TOX2: variants seen among roughly 807,000 people sequenced by gnomAD.
The protein encoded by TOX2 is TOX high mobility group box family member 2, also known as granulosa cell HMG box 1.
In TOX2, 15 loss-of-function variants were observed where a neutral mutation model predicts 47.4. The observed-to-expected ratio is 0.32, with a 90% CI of 0.21 to 0.49. TOX2 has a LOEUF of 0.49. Among genes scored for constraint, TOX2 ranks in the 20% least tolerant of loss-of-function variants. The pLI is 0.99. For missense variants in TOX2, 622 were observed against 673.1 expected (o/e 0.92, Z 0.84); for synonymous variants, 290 against 296.6 (o/e 0.98, Z 0.23).
At chr20:44,020,326 C>T (rs2145647408) in intron 3 of TOX2, among the ~76,000 whole-genome samples, 1 of 152,238 alleles carries the variant, frequency 6.6e-6, no homozygotes, top group East Asian at 1.9e-4. Context: ...GGAGGGAGAG[C>T]ATTAGGACAA....
intron 3 of TOX2, among the ~76,000 whole-genome samples, chr20:44,014,191 G>A (rs545188010): frequency 6.6e-6 from 1 of 151,176 alleles, no homozygotes; most frequent in South Asian, 2.1e-4. Flanking sequence ...TCACATGGTG[G>A]CCTAGGATCA....
intron 1 of TOX2, among the ~76,000 whole-genome samples, chr20:43,965,543 C>A (rs1293631862): frequency 2.0e-5 from 3 of 152,196 alleles, no homozygotes; most frequent in African/African-American, 7.2e-5. Flanking sequence ...CTCCAAGTCC[C>A]TTTGCTTTTC....
chr20:43,929,043 C>G (rs1179595275), intron 1 of TOX2, among the ~76,000 whole-genome samples: 1 of 150,130 alleles, frequency 6.7e-6, no homozygotes, highest in Admixed American at 6.6e-5. Context: ...CCTGTAATCT[C>G]AACTACTTGG....
intron 3 of TOX2, among the ~76,000 whole-genome samples, chr20:44,028,270 C>T (rs868756469): frequency 6.6e-6 from 1 of 151,764 alleles, no homozygotes. Context: ...GGGGCTGCCC[C>T]ATTCCCAGAG....
At chr20:43,930,831 C>T (rs2069242560) in intron 1 of TOX2, among the ~76,000 whole-genome samples, 5 of 152,226 alleles carry the variant, frequency 3.3e-5, no homozygotes, top group Admixed American at 1.3e-4. Flanking sequence ...TATGATCCCA[C>T]GGTGCAGATT....
At chr20:43,955,785 CTTA>C (rs1250153656) in intron 1 of TOX2, among the ~76,000 whole-genome samples, 6 of 152,318 alleles carry the variant, frequency 3.9e-5, no homozygotes, top group African/African-American at 1.2e-4. Context: ...CGCTGTTTTA[CTTA>C]TTATTGTGTT....
Position 43,915,019 on chromosome 20 carries a change from CG to C in TOX2, c.99+32del. On this transcript the variant is annotated intron_variant, in intron 1 of 8. Coordinates refer to ENST00000341197, the MANE Select transcript of TOX2 (RefSeq NM_001098797.2). The surrounding 1 kb of genome is among the most constrained non-coding windows in gnomAD (Gnocchi z 7.1). ...GGCGGGGGCGGGCGGGGGTCCCCGG[CG>C]GGCGGGGCCGGAGTCACCTGGCAGC... 8.2e-7 allele frequency: 1 copy of C among 1,215,804 alleles called. No individual in the cohort carries two copies. Among genetic ancestry groups the C allele is most frequent in the Non-Finnish European group, 1.0e-6 (1 of 972,186 alleles). 75.3% of individuals were successfully genotyped at this position (1,215,804 alleles called of 1,614,324 possible). A position where few individuals can be genotyped will look rare whatever the true frequency, so the allele number is the denominator to read the frequency against.
At chr20:44,041,106 G>T (rs754524444) in intron 3 of TOX2, among the ~76,000 whole-genome samples, 2 of 152,176 alleles carry the variant, frequency 1.3e-5, no homozygotes, top group Non-Finnish European at 2.9e-5. Flanking sequence ...CTGGAGACTC[G>T]CTTCAGGCTG....
At chr20:43,936,790 G>A (rs1012350252) in intron 1 of TOX2, among the ~76,000 whole-genome samples, 8 of 152,192 alleles carry the variant, frequency 5.3e-5, no homozygotes, top group African/African-American at 1.9e-4. Context: ...ATATGGCCAA[G>A]CCCATATTCA....
intron 5 of TOX2, among the ~76,000 whole-genome samples, chr20:44,063,010 A>G (rs2071747299): frequency 6.6e-6 from 1 of 152,222 alleles, no homozygotes; most frequent in Non-Finnish European, 1.5e-5. Flanking sequence ...GGAAGACTTA[A>G]ATCTAAGACC....
Position 44,054,412 on chromosome 20 carries a change from C to A in TOX2, c.765C>A (p.Leu255=). The A allele has an allele frequency of 6.2e-7, 1 of 1,612,998 alleles. No individual in the cohort carries two copies. Among genetic ancestry groups the A allele is most frequent in the Non-Finnish European group, 8.5e-7 (1 of 1,179,556 alleles). Residue 255 remains leucine (L), a synonymous_variant, in exon 5 of 9, where the codon CTC becomes CTA. Transcript: ENST00000341197. ...EPQKPVSAYA[L]FFRDTQAAIK... Reference sequence around the variant, plus strand: ...AGAAGCCTGTGTCGGCCTACGCACTCTTCTTCAGAGACACTCAGGCCGCCA... The same window carrying A: ...AGAAGCCTGTGTCGGCCTACGCACTATTCTTCAGAGACACTCAGGCCGCCA...
intron 3 of TOX2, among the ~76,000 whole-genome samples, chr20:44,047,265 C>G (rs555960855): frequency 3.3e-5 from 5 of 152,262 alleles, no homozygotes; most frequent in Admixed American, 3.3e-4. Context: ...TTCCCACCCT[C>G]CAGTTGTCAG....
chr20:44,049,272 TA>T (rs751890884), intron 3 of TOX2, among the ~76,000 whole-genome samples: 105 of 152,244 alleles, frequency 6.9e-4, no homozygotes, highest in Middle Eastern at 3.4e-3. Flanking sequence ...AATGGAAAAA[TA>T]TACTGCTGTA....
At chr20:44,001,181 C>T (rs926572459) in intron 2 of TOX2, among the ~76,000 whole-genome samples, 2 of 152,154 alleles carry the variant, frequency 1.3e-5, no homozygotes, top group Admixed American at 6.5e-5. Context: ...CACCATGGAA[C>T]GGCCAATTCT....
intron 3 of TOX2, among the ~76,000 whole-genome samples, chr20:44,049,072 C>T (rs2071464215): frequency 2.0e-5 from 3 of 152,248 alleles, no homozygotes; most frequent in Admixed American, 2.0e-4. Context: ...CGCGCCACTG[C>T]ACTCCAGCCT....
chr20:43,986,770 C>G (rs1303346735), intron 2 of TOX2, among the ~76,000 whole-genome samples: 3 of 152,106 alleles, frequency 2.0e-5, no homozygotes, highest in Non-Finnish European at 4.4e-5. Flanking sequence ...TCCACAAATG[C>G]CTTCGTATGT....
intron 1 of TOX2, among the ~76,000 whole-genome samples, chr20:43,931,233 G>A (rs911155390): frequency 6.6e-6 from 1 of 152,096 alleles, no homozygotes; most frequent in Non-Finnish European, 1.5e-5. Context: ...CGACCTCCTG[G>A]GCTCAAGCGA....
In TOX2 at chr20:44,054,320, T is replaced by A. The variant is rs768841808; in HGVS notation, c.673T>A (p.Ser225Thr). 1 of 1,611,844 alleles carries A rather than the reference T, an allele frequency of 6.2e-7. No homozygotes were observed. The highest frequency in any genetic ancestry group is 8.5e-7 in the Non-Finnish European group (1 of 1,178,816). ...GCAGATCTCGGGAGAAAAGAGACCT[T>A]CAGCCGACCCAGGAAAAAAGGCCAA... ...HFKISGEKRP[S>T]ADPGKKAKNP... The change falls in exon 5 of 9, where the codon TCA becomes ACA. Residue 225 changes from serine to threonine, a missense_variant. Around this residue, in one of 3 missense-constraint regions of TOX2, gnomAD observed 307 missense variants for 327.3 expected, o/e 0.94. Transcript: ENST00000341197.
At chr20:44,041,382 G>A (rs1485285822) in intron 3 of TOX2, among the ~76,000 whole-genome samples, 4 of 152,190 alleles carry the variant, frequency 2.6e-5, no homozygotes, top group South Asian at 2.1e-4. Flanking sequence ...CCACTACAGC[G>A]GGCATCCTCA....
Sources: gnomAD v4.1 joint callset for allele counts (sites outside exome capture counted in the v4.1 genomes callset) on GRCh38, gnomAD v4.1.1 for gene constraint, gnomAD v4.1.1 regional missense constraint, Gnocchi (gnomAD v3.1) non-coding constraint, MANE v1.5 for transcripts, NCBI Gene and HGNC (gene_info 2026-07-23, HGNC 2026-07-21) for gene names.